Variants in TOGARAM2 observed in about 807,000 individuals in gnomAD.
TOGARAM2 encodes TOG array regulator of axonemal microtubules protein 2.
Under a neutral mutation model 93.3 loss-of-function variants are expected in TOGARAM2, and 85 were observed. The observed-to-expected ratio is 0.91, with a 90% CI of 0.76 to 1.09. TOGARAM2 has a LOEUF of 1.09. Among genes scored for constraint, TOGARAM2 ranks in the 50% least tolerant of loss-of-function variants. The pLI is 0.00. For synonymous variants in TOGARAM2, 593 were observed against 552.8 expected, an observed-to-expected ratio of 1.07 and a Z score of -1.02; for missense variants, 1,277 against 1,334.5, an observed-to-expected ratio of 0.96 and a Z score of 0.67.
intron 1 of TOGARAM2, among the ~76,000 whole-genome samples, chr2:28,974,233 T>G (rs1671995109): frequency 6.6e-6 from 1 of 151,646 alleles, no homozygotes; most frequent in South Asian, 2.1e-4. Flanking sequence ...GTTCAAGTGA[T>G]TCTCCTGCCT....
chr2:29,002,410 T>A, intron 4 of TOGARAM2, 126 bp from the exon 5 acceptor site: 1 of 791,524 alleles, frequency 1.3e-6, no homozygotes, highest in Non-Finnish European at 2.0e-6. Context: ...TGGGGACAGA[T>A]CTGATCTCTC....
chr2:28,974,880 C>G (rs1672001437), intron 1 of TOGARAM2, among the ~76,000 whole-genome samples: 1 of 152,096 alleles, frequency 6.6e-6, no homozygotes, highest in African/African-American at 2.4e-5. Flanking sequence ...ATCCTCCCAC[C>G]TTGGCCTCCC....
chr2:29,046,778 G>C (rs960538977), intron 19 of TOGARAM2: 1 of 152,952 alleles, frequency 6.5e-6, no homozygotes, highest in Non-Finnish European at 1.5e-5. Context: ...CCAACCCTGT[G>C]CTGTGCTGCT....
chr2:29,021,054 C>T (rs1339796041), intron 10 of TOGARAM2, among the ~76,000 whole-genome samples: 1 of 152,142 alleles, frequency 6.6e-6, no homozygotes, highest in African/African-American at 2.4e-5. Context: ...TCTGGGATTA[C>T]AGGCATGTAC....
chr2:28,985,512 C>T (rs1335101256), intron 1 of TOGARAM2, among the ~76,000 whole-genome samples: 1 of 152,078 alleles, frequency 6.6e-6, no homozygotes, highest in African/African-American at 2.4e-5. Context: ...AATTTAGTAA[C>T]AGAAGAAAGG....
At chr2:29,027,217 A>G (rs560628888) in intron 14 of TOGARAM2, among the ~76,000 whole-genome samples, 16 of 152,204 alleles carry the variant, frequency 1.1e-4, no homozygotes, top group African/African-American at 3.6e-4. Context: ...CCCTGCCTCC[A>G]CTTTCTGGTC....
intron 1 of TOGARAM2, among the ~76,000 whole-genome samples, chr2:28,960,166 T>G (rs867511750): frequency 6.6e-6 from 1 of 152,222 alleles, no homozygotes; most frequent in Non-Finnish European, 1.5e-5. Flanking sequence ...GCTATATTTT[T>G]CTTCATCTGT....
chr2:28,975,808 C>T (rs189321655), intron 1 of TOGARAM2, among the ~76,000 whole-genome samples: 8 of 152,170 alleles, frequency 5.3e-5, no homozygotes, highest in South Asian at 2.1e-4. Context: ...ATTGGATGTT[C>T]GCTTCACCAC....
At chr2:29,015,602 C>T (rs1002112182) in intron 8 of TOGARAM2, among the ~76,000 whole-genome samples, 4 of 152,236 alleles carry the variant, frequency 2.6e-5, no homozygotes, top group African/African-American at 9.6e-5. Context: ...TCCTGACAGG[C>T]ATTAGTCCAC....
Position 29,021,915 on chromosome 2 carries a change from G to A in TOGARAM2, c.1361-243G>A, listed in dbSNP as rs140399650. ...AAATCTGTTTATAAGAATCGCATTGGCAAGGGCAGGAAGGGGAAAAGTCAG... is the reference window on the plus strand; with the variant it reads ...AAATCTGTTTATAAGAATCGCATTGACAAGGGCAGGAAGGGGAAAAGTCAG... On this transcript the variant is annotated intron_variant, in intron 10 of 19. Coordinates refer to ENST00000379558, the MANE Select transcript of TOGARAM2 (RefSeq NM_199280.4). Among the ~76,000 whole-genome samples the A allele has an allele frequency of 9.8e-5, 15 of 152,328 alleles. No homozygotes were observed. In the East Asian group the frequency reaches 2.1e-3, roughly 22 times the overall value.
At chr2:29,036,258 GGTT>G (rs1030058405) in intron 17 of TOGARAM2, among the ~76,000 whole-genome samples, 31 of 152,128 alleles carry the variant, frequency 2.0e-4, no homozygotes, top group African/African-American at 7.5e-4. Flanking sequence ...GTGCTCCATG[GGTT>G]GTTAAGATCA....
upstream of TOGARAM2, chr2:28,956,591 C>A (rs1036158255): frequency 3.3e-5 from 5 of 152,150 alleles, no homozygotes; most frequent in African/African-American, 1.2e-4. The surrounding 1 kb of genome is among the most constrained non-coding windows in gnomAD (Gnocchi z 4.5). Flanking sequence ...CCACTGCTGC[C>A]ATTCCCTGAT....
chr2:29,026,437 C>G (rs1440638266), intron 13 of TOGARAM2, among the ~76,000 whole-genome samples: 3 of 151,980 alleles, frequency 2.0e-5, no homozygotes, highest in Non-Finnish European at 4.4e-5. Flanking sequence ...GACAGCGCTA[C>G]CTTGGGCAGT....
chr2:28,960,138 A>G (rs1671782894), intron 1 of TOGARAM2, among the ~76,000 whole-genome samples: 1 of 152,250 alleles, frequency 6.6e-6, no homozygotes, highest in African/African-American at 2.4e-5. Context: ...GTCATTATGC[A>G]GTCCATGACT....
chr2:29,020,899 C>T (rs949135289), intron 10 of TOGARAM2, among the ~76,000 whole-genome samples: 10 of 152,038 alleles, frequency 6.6e-5, no homozygotes, highest in Non-Finnish European at 1.3e-4. Flanking sequence ...TTTGTGTCTC[C>T]GCTTTTTTTG....
At chr2:29,050,058 G>T (rs545966370) in intron 19 of TOGARAM2, 2 of 152,282 alleles carry the variant, frequency 1.3e-5, no homozygotes, top group South Asian at 2.1e-4. Flanking sequence ...AGGACAAATT[G>T]CAGTTTCATG....
chr2:29,001,013 A>T (rs1053276554), intron 4 of TOGARAM2, among the ~76,000 whole-genome samples: 1 of 152,152 alleles, frequency 6.6e-6, no homozygotes, highest in African/African-American at 2.4e-5. Flanking sequence ...TAATGTTCTG[A>T]TGGGCAGTGA....
chr2:28,998,845 T>A (rs1233515082), intron 3 of TOGARAM2, among the ~76,000 whole-genome samples: 2 of 152,168 alleles, frequency 1.3e-5, no homozygotes, highest in African/African-American at 4.8e-5. Flanking sequence ...GGGGATCTGA[T>A]GACTTTGTTG....
intron 10 of TOGARAM2, among the ~76,000 whole-genome samples, 161 bp from the exon 11 acceptor site, chr2:29,021,997 G>C (rs1183588446): frequency 6.6e-6 from 1 of 152,132 alleles, no homozygotes; most frequent in Admixed American, 6.5e-5. Context: ...CCAGGCGCTG[G>C]GTTCTTAGCC....
Sources: allele counts gnomAD v4.1 joint callset (sites outside exome capture counted in the v4.1 genomes callset), GRCh38; gene constraint gnomAD v4.1.1; non-coding constraint Gnocchi (gnomAD v3.1); transcripts MANE v1.5; gene names NCBI Gene and HGNC (gene_info 2026-07-23, HGNC 2026-07-21).